Variants in USP34 observed in about 807,000 individuals in gnomAD.
The protein encoded by USP34 is ubiquitin specific peptidase 34, also known as ubiquitin carboxyl-terminal hydrolase 34.
USP34 carries 70 observed loss-of-function variants against 460.3 expected under a neutral mutation model. The observed-to-expected ratio is 0.15, with a 90% CI of 0.13 to 0.19. The LOEUF is 0.19. USP34 is among the 10% of genes least tolerant of loss of function. USP34 has a pLI of 1.00. For synonymous variants in USP34, 1,647 were observed against 1,405.3 expected (o/e 1.17, Z -3.85); for missense variants, 3,985 against 4,236.2 (o/e 0.94, Z 1.65).
intron 3 of USP34, among the ~76,000 whole-genome samples, chr2:61,401,540 ATTTTTTTTTTTT>A (rs1156550372): frequency 4.0e-4 from 25 of 62,438 alleles, no homozygotes; most frequent in African/African-American, 1.5e-3. Flanking sequence ...ACCTGGCCCT[ATTTTTTTTTTTT>A]TTTTTTTTTT....
At chr2:61,269,763 G>C (rs1689157910) in intron 41 of USP34, among the ~76,000 whole-genome samples, 1 of 151,734 alleles carries the variant, frequency 6.6e-6, no homozygotes, top group Non-Finnish European at 1.5e-5. Flanking sequence ...AACCTTAAAA[G>C]GCTCCTGTTT....
intron 1 of USP34, among the ~76,000 whole-genome samples, chr2:61,436,204 G>C (rs1214745466): frequency 6.6e-6 from 1 of 151,802 alleles, no homozygotes; most frequent in East Asian, 1.9e-4. Context: ...AGTGGCTCAT[G>C]CTGTAATCTC....
At chr2:61,263,615 G>A (rs905307515) in intron 43 of USP34, among the ~76,000 whole-genome samples, 5 of 152,028 alleles carry the variant, frequency 3.3e-5, no homozygotes, top group African/African-American at 1.2e-4. Flanking sequence ...CCAAATAGCT[G>A]GGATTAGAGG....
At chr2:61,459,812 C>T (rs1695548238) in intron 1 of USP34, among the ~76,000 whole-genome samples, 1 of 150,408 alleles carries the variant, frequency 6.6e-6, no homozygotes, top group Non-Finnish European at 1.5e-5. Context: ...GTAATCGTAG[C>T]ACTTTGGGAG....
At chr2:61,294,852 A>G (rs368426018) in intron 32 of USP34, 97 bp downstream of exon 32, 1 of 961,446 alleles carries the variant, frequency 1.0e-6, no homozygotes, top group Non-Finnish European at 1.6e-6. Flanking sequence ...TTAATAGTAT[A>G]TTAGTTTAAA....
Position 61,288,872 on chromosome 2 carries a change from C to G in USP34, c.4554G>C (p.Gln1518His). Residue 1518 changes from glutamine (Q) to histidine (H), a missense_variant, in exon 34 of 80, where the codon CAG becomes CAC. Coordinates refer to ENST00000398571, the MANE Select transcript of USP34 (RefSeq NM_014709.4). ...TCAGCAAGCAAGCAAGACAGTCTAG[C>G]TGCCACTGTAAATGAGAAGAAATAG... ...PKEQESWTVW[Q>H]LDCLACLLKL... 1 of 1,612,486 alleles carries G rather than the reference C, an allele frequency of 6.2e-7. No homozygotes were observed. The highest frequency in any genetic ancestry group is 8.5e-7 in the Non-Finnish European group (1 of 1,179,876).
At chr2:61,379,665 G>C (rs574361794) in intron 7 of USP34, among the ~76,000 whole-genome samples, 5 of 152,272 alleles carry the variant, frequency 3.3e-5, no homozygotes, top group African/African-American at 1.2e-4. Context: ...CAAGAATACA[G>C]ACCCAAGAAT....
At chr2:61,412,864 T>A (rs1694079597) in intron 2 of USP34, among the ~76,000 whole-genome samples, 2 of 121,938 alleles carry the variant, frequency 1.6e-5, no homozygotes, top group Admixed American at 2.1e-4. Flanking sequence ...ACTCCAACCT[T>A]AGCAACACAG....
At chr2:61,418,016 C>CA (rs1299809470) in intron 2 of USP34, among the ~76,000 whole-genome samples, 1 of 151,814 alleles carries the variant, frequency 6.6e-6, no homozygotes, top group Non-Finnish European at 1.5e-5. Flanking sequence ...GCTGGGATTA[C>CA]AGGCATGAGC....
intron 41 of USP34, among the ~76,000 whole-genome samples, chr2:61,273,491 G>T (rs1689278133): frequency 1.3e-5 from 2 of 152,202 alleles, no homozygotes; most frequent in African/African-American, 4.8e-5. Flanking sequence ...GGCCGAGGCA[G>T]GCGAATCACC....
intron 2 of USP34, among the ~76,000 whole-genome samples, chr2:61,415,535 G>C (rs909822125): frequency 3.3e-5 from 5 of 152,134 alleles, no homozygotes; most frequent in Admixed American, 2.0e-4. Flanking sequence ...GAAGTTCATA[G>C]GTTACACCTA....
intron 59 of USP34, 127 bp from the exon 60 acceptor site, chr2:61,229,122 T>A (rs1166314996): frequency 4.7e-6 from 3 of 640,110 alleles, no homozygotes; most frequent in African/African-American, 1.9e-5. Context: ...CGCAATAACT[T>A]AAGTAGTTAT....
At chr2:61,429,180 G>A (rs1318967233) in intron 1 of USP34, among the ~76,000 whole-genome samples, 1 of 152,126 alleles carries the variant, frequency 6.6e-6, no homozygotes, top group Non-Finnish European at 1.5e-5. Flanking sequence ...AGGCACAGTG[G>A]CTCACGCCTG....
intron 1 of USP34, among the ~76,000 whole-genome samples, chr2:61,468,668 TGAGAA>T (rs2104127788): frequency 1.3e-5 from 2 of 152,360 alleles, no homozygotes; most frequent in South Asian, 4.1e-4. Flanking sequence ...GACCAGATTT[TGAGAA>T]GCTGGTTGAA....
chr2:61,317,118 T>C (rs974904367), intron 23 of USP34, among the ~76,000 whole-genome samples: 3 of 152,218 alleles, frequency 2.0e-5, no homozygotes, highest in African/African-American at 4.8e-5. Context: ...CAAAGAACAC[T>C]GACATGGCCA....
chr2:61,383,236 A>G (rs775352581), intron 6 of USP34, 33 bp downstream of exon 6: 15 of 1,472,076 alleles, frequency 1.0e-5, no homozygotes, highest in Admixed American at 1.9e-5. Context: ...TATTACACTG[A>G]TAATCGGGGG....
chr2:61,381,952 AG>A lies in USP34; in HGVS notation c.821+1316del, dbSNP rs576568541. Among the ~76,000 whole-genome samples the A allele has an allele frequency of 1.6e-3, 242 of 152,150 alleles. 1 individual carries two copies. Among genetic ancestry groups the A allele is most frequent in the Middle Eastern group, 3.4e-3 (1 of 294 alleles). On this transcript the variant is annotated intron_variant, in intron 6 of 79. Coordinates refer to ENST00000398571, the MANE Select transcript of USP34 (RefSeq NM_014709.4). ...ACAGTACAAATAAAAAAAATTGAGGAGGGGGGGTGCTGAATGTCATCCACAT... is the reference window on the plus strand; with the variant it reads ...ACAGTACAAATAAAAAAAATTGAGGAGGGGGGTGCTGAATGTCATCCACAT...
intron 53 of USP34, among the ~76,000 whole-genome samples, chr2:61,238,999 G>A (rs1017630263): frequency 6.6e-6 from 1 of 151,122 alleles, no homozygotes; most frequent in South Asian, 2.1e-4. Context: ...TATTATTATG[G>A]TGATCTATAA....
At chr2:61,242,011 T>A (rs1440211956) in intron 51 of USP34, among the ~76,000 whole-genome samples, 192 bp from the exon 52 acceptor site, 3 of 152,028 alleles carry the variant, frequency 2.0e-5, no homozygotes, top group Non-Finnish European at 4.4e-5. Context: ...ATCTTTTTTT[T>A]AGTTTTTATT....
Sources: gnomAD v4.1 joint callset for allele counts (sites outside exome capture counted in the v4.1 genomes callset) on GRCh38, gnomAD v4.1.1 for gene constraint, MANE v1.5 for transcripts, NCBI Gene and HGNC (gene_info 2026-07-23, HGNC 2026-07-21) for gene names.